Variants in MYH10 observed in about 807,000 individuals in gnomAD.
The protein encoded by MYH10 is myosin heavy chain 10, also known as myosin-10.
A neutral mutation model predicts 257.8 loss-of-function variants in MYH10; 55 were observed. The ratio of observed to expected loss-of-function variants is 0.21; its 90% CI spans 0.17 to 0.27. The LOEUF is 0.27. Among genes scored for constraint, MYH10 ranks in the 10% least tolerant of loss-of-function variants. The pLI is 1.00. For synonymous variants in MYH10, 854 were observed against 921.7 expected (o/e 0.93, Z 1.33); for missense variants, 1,631 against 2,500.6 (o/e 0.65, Z 7.42).
chr17:8,585,303 T>TATATATATAC (rs2083872403), intron 4 of MYH10, among the ~76,000 whole-genome samples: 2 of 143,728 alleles, frequency 1.4e-5, no homozygotes, highest in Non-Finnish European at 3.0e-5. Context: ...TATATATATA[T>TATATATATAC]ATAGCTACAT....
At chr17:8,525,876 T>C (rs190434646) in intron 17 of MYH10, among the ~76,000 whole-genome samples, 79 of 152,302 alleles carry the variant, frequency 5.2e-4, no homozygotes, top group African/African-American at 1.8e-3. Context: ...CAGAGCAACC[T>C]CCGCCTCCTG....
At position 8,545,339 on chromosome 17, in the gene MYH10, G is replaced by A; in HGVS notation, c.1431+109C>T. On this transcript the variant is annotated intron_variant, in intron 13 of 42. Coordinates refer to ENST00000360416, the MANE Select transcript of MYH10 (RefSeq NM_001256012.3). The surrounding 1 kb of genome is among the most constrained non-coding windows in gnomAD (Gnocchi z 4.7). ...TTGTTTGGCTCTACTAGAATGGCAG[G>A]GACTGTATCCCTGGTGCCTCGTATG... 1 of 1,216,168 alleles carries A rather than the reference G, an allele frequency of 8.2e-7. No individual in the cohort carries two copies. Among genetic ancestry groups the A allele is most frequent in the Non-Finnish European group, 1.2e-6 (1 of 856,076 alleles). 75.3% of individuals were successfully genotyped at this position (1,216,168 alleles called of 1,614,324 possible).
intron 17 of MYH10, among the ~76,000 whole-genome samples, chr17:8,526,517 G>A (rs908144029): frequency 4.6e-5 from 7 of 152,218 alleles, no homozygotes; most frequent in African/African-American, 1.7e-4. Flanking sequence ...GGTTCTAGAA[G>A]CCTGAAAAGT....
chr17:8,557,946 A>G (rs541491083), intron 7 of MYH10, among the ~76,000 whole-genome samples: 1 of 152,346 alleles, frequency 6.6e-6, no homozygotes, highest in Admixed American at 6.5e-5. Context: ...TTATGCCATC[A>G]AATTTACTGA....
At chr17:8,514,008 T>C (rs929324834) in intron 21 of MYH10, 114 bp from the exon 22 acceptor site, 27 of 914,130 alleles carry the variant, frequency 3.0e-5, no homozygotes, top group Middle Eastern at 6.0e-4. Flanking sequence ...TAGGGAATGA[T>C]TGCATCAATC....
In MYH10 at chr17:8,617,375, G is replaced by A. The variant is rs3897872; in HGVS notation, c.345+5527C>T. On this transcript the variant is annotated intron_variant, in intron 2 of 42. Transcript: ENST00000360416. ...AGCTCTTTCCTAATGCTTCTTTAAA[G>A]AGCAAGATGTTTCAAGGGCTCTCAG... Among the ~76,000 whole-genome samples, 620 of 152,226 alleles carry A rather than the reference G, an allele frequency of 4.1e-3. 2 individuals are homozygous for A. The highest frequency in any genetic ancestry group is 0.014 in the African/African-American group (580 of 41,528).
chr17:8,492,225 GCTC>G (rs1915875771), intron 34 of MYH10, 69 bp downstream of exon 34: 1 of 1,461,124 alleles, frequency 6.8e-7, no homozygotes, highest in East Asian at 2.3e-5. Context: ...GGAGTCGCCC[GCTC>G]CTGTGTGAAG....
At chr17:8,496,145 A>ATT (rs1039590753) in intron 30 of MYH10, among the ~76,000 whole-genome samples, 3 of 152,204 alleles carry the variant, frequency 2.0e-5, no homozygotes, top group African/African-American at 7.2e-5. Context: ...TTCCAAACAA[A>ATT]TCTTTGTGGT....
At chr17:8,503,786 G>A (rs2080985157) in intron 28 of MYH10, among the ~76,000 whole-genome samples, 1 of 152,194 alleles carries the variant, frequency 6.6e-6, no homozygotes, top group South Asian at 2.1e-4. Context: ...ACTCCCCAGG[G>A]TGATGGGCTA....
chr17:8,535,317 G>A lies in MYH10; in HGVS notation c.1894+70C>T. The A allele has an allele frequency of 8.6e-7, 1 of 1,168,478 alleles. No homozygotes were observed. The highest frequency in any genetic ancestry group is 1.5e-5 in the South Asian group (1 of 68,628). 72.4% of individuals were successfully genotyped at this position (1,168,478 alleles called of 1,614,324 possible). A position where few individuals can be genotyped will look rare whatever the true frequency, so the allele number is the denominator to read the frequency against. On this transcript the variant is annotated intron_variant, in intron 16 of 42. Transcript: ENST00000360416. The surrounding 1 kb of genome is among the most constrained non-coding windows in gnomAD (Gnocchi z 4.3). ...TATATGTATCCATATATATGTAAAA[G>A]AACCATCTATAAACCTTAATTATAA... is the stretch of plus-strand genomic sequence containing the variant.
intron 17 of MYH10, among the ~76,000 whole-genome samples, chr17:8,524,054 T>G (rs2081752399): frequency 6.6e-6 from 1 of 151,954 alleles, no homozygotes; most frequent in East Asian, 1.9e-4. Flanking sequence ...GAAAGGTAAA[T>G]TTGGGAGTTG....
rs371994711 is a variant in MYH10, at chr17:8,613,212, C to A, written c.346-8230G>T. Among the ~76,000 whole-genome samples the A allele has an allele frequency of 2.0e-5, 3 of 152,122 alleles. No individual in the cohort carries two copies. The South Asian group carries it at 6.2e-4, about 32-fold the overall frequency. On this transcript the variant is annotated intron_variant, in intron 2 of 42. Coordinates refer to ENST00000360416, the MANE Select transcript of MYH10 (RefSeq NM_001256012.3). ...CACAATGTTAAAAGAAAACAACCGC[C>A]GGCTCTGAATTCCAAATCCAGCAAA...
At chr17:8,549,650 TTC>T (rs1335209998) in intron 9 of MYH10, among the ~76,000 whole-genome samples, 1 of 152,200 alleles carries the variant, frequency 6.6e-6, no homozygotes, top group Non-Finnish European at 1.5e-5. Flanking sequence ...GCCTGCTGCT[TTC>T]TTTTTCTATT....
chr17:8,605,039 G>A, intron 2 of MYH10, 57 bp from the exon 3 acceptor site: 7 of 913,912 alleles, frequency 7.7e-6, no homozygotes, highest in Non-Finnish European at 1.1e-5. Flanking sequence ...TATCAATCAG[G>A]GTCCAATCAG....
intron 4 of MYH10, among the ~76,000 whole-genome samples, chr17:8,579,153 C>T (rs2083606965): frequency 6.6e-6 from 1 of 152,076 alleles, no homozygotes; most frequent in Non-Finnish European, 1.5e-5. Context: ...GTAACTCCCA[C>T]CTGTAGTCCC....
At chr17:8,607,780 T>C (rs1485326040) in intron 2 of MYH10, among the ~76,000 whole-genome samples, 3 of 152,162 alleles carry the variant, frequency 2.0e-5, no homozygotes, top group African/African-American at 4.8e-5. Context: ...TGAAGACAAA[T>C]AGACGCACAC....
chr17:8,628,021 G>C (rs993193051), intron 1 of MYH10, among the ~76,000 whole-genome samples: 11 of 152,178 alleles, frequency 7.2e-5, no homozygotes, highest in African/African-American at 2.7e-4. Flanking sequence ...ATTTTGAAGG[G>C]TGTGTAGTGT....
chr17:8,611,620 G>T (rs2085041935), intron 2 of MYH10, among the ~76,000 whole-genome samples: 1 of 152,112 alleles, frequency 6.6e-6, no homozygotes, highest in African/African-American at 2.4e-5. Flanking sequence ...CTACAATTAA[G>T]AATTCATGTG....
At chr17:8,580,969 G>T (rs143456066) in intron 4 of MYH10, among the ~76,000 whole-genome samples, 1 of 152,274 alleles carries the variant, frequency 6.6e-6, no homozygotes, top group East Asian at 1.9e-4. Flanking sequence ...CAGGGGAAAG[G>T]CTCTTGAAAG....
Sources: allele counts gnomAD v4.1 joint callset (sites outside exome capture counted in the v4.1 genomes callset), GRCh38; gene constraint gnomAD v4.1.1; non-coding constraint Gnocchi (gnomAD v3.1); transcripts MANE v1.5; gene names NCBI Gene and HGNC (gene_info 2026-07-23, HGNC 2026-07-21).